The following ITPRID1 variants were observed in gnomAD, a reference collection of about 807,000 sequenced individuals.
ITPRID1 encodes the protein protein ITPRID1.
In ITPRID1, 96 loss-of-function variants were observed where a neutral mutation model predicts 95.4. The ratio of observed to expected loss-of-function variants is 1.01; its 90% CI spans 0.85 to 1.19. ITPRID1 has a LOEUF of 1.19. Ranked by LOEUF, ITPRID1 falls within the 50% of genes most tolerant of loss-of-function variation. The probability of loss-of-function intolerance (pLI) is 0.00; values close to 1 mark genes in which losing one functional copy is unlikely to be tolerated. For missense variants in ITPRID1, 1,339 were observed against 1,252.9 expected (o/e 1.07, Z -1.04); for synonymous variants, 510 against 453.6 (o/e 1.12, Z -1.58).
At chr7:31,555,063 C>A (rs779941347) in intron 5 of ITPRID1, 162 bp downstream of exon 5, 3 of 587,578 alleles carry the variant, frequency 5.1e-6, no homozygotes, top group Non-Finnish European at 9.1e-6. Flanking sequence ...CATATGACTG[C>A]GACAAAAATG....
chr7:31,619,420 T>A (rs752626237), intron 10 of ITPRID1, among the ~76,000 whole-genome samples: 67 of 152,224 alleles, frequency 4.4e-4, no homozygotes, highest in Non-Finnish European at 7.8e-4. Context: ...GTTTTCTATG[T>A]AACATGTTCC....
intron 10 of ITPRID1, among the ~76,000 whole-genome samples, chr7:31,632,928 C>A (rs1789148132): frequency 6.6e-6 from 1 of 151,600 alleles, no homozygotes; most frequent in Admixed American, 6.6e-5. Flanking sequence ...CACTCTGTCG[C>A]CAGGCTGGAG....
In ITPRID1 at chr7:31,653,653, A is replaced by C. The variant is rs1388320775; in HGVS notation, c.*824A>C. On this transcript the variant is annotated 3_prime_UTR_variant, in exon 15 of 15. Transcript: ENST00000615280. ...AAATCTTTGTAGCTATCTCATTTAGAAATAAAATGGGAGGCAGATTGCCTG... is the reference window on the plus strand; with the variant it reads ...AAATCTTTGTAGCTATCTCATTTAGCAATAAAATGGGAGGCAGATTGCCTG... The C allele has an allele frequency of 2.0e-5, 3 of 152,228 alleles. No individual in the cohort carries two copies. The highest frequency in any genetic ancestry group is 7.2e-5 in the African/African-American group (3 of 41,464). The allele number at this position is 152,228 out of a possible 1,614,324, so 9.4% of individuals were successfully genotyped here. A position where few individuals can be genotyped will look rare whatever the true frequency, so the allele number is the denominator to read the frequency against.
intron 10 of ITPRID1, among the ~76,000 whole-genome samples, chr7:31,640,862 C>T (rs1350174062): frequency 6.6e-6 from 1 of 152,146 alleles, no homozygotes; most frequent in Non-Finnish European, 1.5e-5. Context: ...TTCTCAATCT[C>T]TCTAGGATTG....
chr7:31,605,586 C>A (rs780951759), intron 10 of ITPRID1, among the ~76,000 whole-genome samples: 6 of 152,164 alleles, frequency 3.9e-5, no homozygotes, highest in Non-Finnish European at 7.3e-5. Context: ...CAAACATCAT[C>A]CCTTATGATA....
At chr7:31,600,283 A>T (rs866608119) in intron 10 of ITPRID1, among the ~76,000 whole-genome samples, 2 of 152,234 alleles carry the variant, frequency 1.3e-5, no homozygotes, top group Non-Finnish European at 2.9e-5. Flanking sequence ...TGTATCAGAA[A>T]GCTTTAACTT....
intron 13 of ITPRID1, among the ~76,000 whole-genome samples, chr7:31,651,527 A>G (rs1485445485): frequency 1.3e-5 from 2 of 152,116 alleles, no homozygotes; most frequent in African/African-American, 2.4e-5. Context: ...TCTTTAATCA[A>G]TGGGATGGGG....
intron 1 of ITPRID1, among the ~76,000 whole-genome samples, chr7:31,538,719 G>A (rs990956214): frequency 6.6e-6 from 1 of 152,194 alleles, no homozygotes; most frequent in East Asian, 1.9e-4. Context: ...TTCTGAGTGT[G>A]TCATATCAGG....
intron 6 of ITPRID1, 120 bp downstream of exon 6, chr7:31,569,929 TAAC>T (rs1307209854): frequency 2.7e-6 from 2 of 738,728 alleles, no homozygotes; most frequent in Non-Finnish European, 4.3e-6. Flanking sequence ...TCGTGAAAGG[TAAC>T]TGGTTTAGTC....
At chr7:31,547,696 A>G (rs1188144729) in intron 1 of ITPRID1, among the ~76,000 whole-genome samples, 3 of 152,142 alleles carry the variant, frequency 2.0e-5, no homozygotes, top group Non-Finnish European at 4.4e-5. Flanking sequence ...GAGGAATCAG[A>G]GAAGACTCAT....
intron 1 of ITPRID1, among the ~76,000 whole-genome samples, chr7:31,527,410 C>A (rs1055480460): frequency 6.6e-6 from 1 of 152,136 alleles, no homozygotes; most frequent in African/African-American, 2.4e-5. Flanking sequence ...CTGGGTCTCA[C>A]TTTCCTCACT....
rs70986698 is a variant in ITPRID1 at position 31,654,053 on chromosome 7, C to CAAA, written c.*1241_*1243dup. Among the ~76,000 whole-genome samples the CAAA allele has an allele frequency of 1.3e-3, 175 of 130,308 alleles. No individual in the cohort carries two copies. The highest frequency in any genetic ancestry group is 4.8e-3 in the African/African-American group (169 of 35,318). 85.5% of individuals were successfully genotyped at this position (130,308 alleles called of 152,430 possible). On this transcript the variant is annotated 3_prime_UTR_variant, in exon 15 of 15. Coordinates refer to ENST00000615280, the MANE Select transcript of ITPRID1 (RefSeq NM_001257967.3). Reference sequence around the variant, plus strand: ...GAAAGAGTTGGATGAAGAGTAAGTCCAAAAAAAAAAAAAAAAAAACCAACA... The same window carrying CAAA: ...GAAAGAGTTGGATGAAGAGTAAGTCCAAAAAAAAAAAAAAAAAAAAAACCAACA...
intron 9 of ITPRID1, among the ~76,000 whole-genome samples, chr7:31,580,848 G>A (rs774529560): frequency 6.6e-6 from 1 of 152,108 alleles, no homozygotes; most frequent in South Asian, 2.1e-4. Context: ...TTATGTTCTA[G>A]GATTTGTGTG....
At chr7:31,617,462 T>TGA (rs1187863937) in intron 10 of ITPRID1, among the ~76,000 whole-genome samples, 2 of 150,788 alleles carry the variant, frequency 1.3e-5, no homozygotes, top group African/African-American at 4.9e-5. Flanking sequence ...AAAGAAAATG[T>TGA]GAATTAGTAT....
At position 31,584,390 on chromosome 7, in the gene ITPRID1, G is replaced by C. The variant is rs965391553; in HGVS notation, c.1228+1199G>C. Among the ~76,000 whole-genome samples, 4 of 152,152 alleles carry C rather than the reference G, an allele frequency of 2.6e-5. No homozygotes were observed. The East Asian group carries it at 7.7e-4, about 29-fold the overall frequency. ...GTAATTACCACATAACCTGCATTGA[G>C]GCTTATAAGACAAAAATAAGCATCT... On this transcript the variant is annotated intron_variant, in intron 10 of 14. Transcript: ENST00000615280.
intron 10 of ITPRID1, among the ~76,000 whole-genome samples, chr7:31,606,279 C>G (rs1786618113): frequency 6.6e-6 from 1 of 151,982 alleles, no homozygotes; most frequent in Non-Finnish European, 1.5e-5. Flanking sequence ...GACATGCATA[C>G]CCTGTTAATC....
At position 31,653,859 on chromosome 7, in the gene ITPRID1, C is replaced by G. The variant is rs763320440; in HGVS notation, c.*1030C>G. Among the ~76,000 whole-genome samples, 1 of 151,996 alleles carries G rather than the reference C, an allele frequency of 6.6e-6. No individual in the cohort carries two copies. The highest frequency in any genetic ancestry group is 1.5e-5 in the Non-Finnish European group (1 of 67,980). On this transcript the variant is annotated 3_prime_UTR_variant, in exon 15 of 15. Coordinates refer to ENST00000615280, the MANE Select transcript of ITPRID1 (RefSeq NM_001257967.3). Reference sequence around the variant, plus strand: ...CGATTTAGATCAATGTTCAGACAGCCCTGGTTGAGGAAGTAACAACAGAAG... The same window carrying G: ...CGATTTAGATCAATGTTCAGACAGCGCTGGTTGAGGAAGTAACAACAGAAG...
intron 9 of ITPRID1, among the ~76,000 whole-genome samples, chr7:31,582,924 C>T (rs929293507): frequency 6.6e-6 from 1 of 152,138 alleles, no homozygotes; most frequent in African/African-American, 2.4e-5. Flanking sequence ...ATCCTCCCAT[C>T]CAGTTGTGAT....
intron 10 of ITPRID1, among the ~76,000 whole-genome samples, chr7:31,586,094 G>T (rs1785592137): frequency 7.1e-6 from 1 of 141,342 alleles, no homozygotes; most frequent in African/African-American, 2.7e-5. Flanking sequence ...GCGGTGTTTG[G>T]TTTTTTGTTC....
Sources: gnomAD v4.1 joint callset for allele counts (sites outside exome capture counted in the v4.1 genomes callset) on GRCh38, gnomAD v4.1.1 for gene constraint, MANE v1.5 for transcripts, NCBI Gene and HGNC (gene_info 2026-07-23, HGNC 2026-07-21) for gene names.